FRMPD4: variants seen among roughly 807,000 people sequenced by gnomAD.
The protein encoded by FRMPD4 is FERM and PDZ domain containing 4.
In FRMPD4, 22 loss-of-function variants were observed where a neutral mutation model predicts 94.1. The ratio of observed to expected loss-of-function variants is 0.23; its 90% CI spans 0.17 to 0.33. FRMPD4 has a LOEUF of 0.33. FRMPD4 is among the 10% of genes least tolerant of loss of function. The probability of loss-of-function intolerance (pLI) is 1.00; values close to 1 mark genes in which losing one functional copy is unlikely to be tolerated. For synonymous variants in FRMPD4, 631 were observed against 548.6 expected (o/e 1.15, Z -2.10); for missense variants, 1,111 against 1,339.9 (o/e 0.83, Z 2.67).
chrX:12,481,075 C>T (rs181096693), intron 1 of FRMPD4, among the ~76,000 whole-genome samples: 9 of 111,529 alleles, frequency 8.1e-5, no homozygotes, highest in African/African-American at 2.9e-4. Context: ...TTGCTTCCTC[C>T]TTGTTGCCTG....
At chrX:12,252,402 A>G (rs1023038814) in intron 1 of FRMPD4, among the ~76,000 whole-genome samples, 1 of 112,231 alleles carries the variant, frequency 8.9e-6, no homozygotes, top group African/African-American at 3.2e-5. Context: ...CTAAAGAAAC[A>G]TGTAAGATAA....
intron 2 of FRMPD4, among the ~76,000 whole-genome samples, chrX:12,601,117 A>G (rs1167878085): frequency 8.9e-6 from 1 of 112,144 alleles, no homozygotes; most frequent in Non-Finnish European, 1.9e-5. Flanking sequence ...TTTAAATTTA[A>G]TTGTTCTGGA....
chrX:12,465,031 C>A (rs2057434186), intron 1 of FRMPD4, among the ~76,000 whole-genome samples: 1 of 112,185 alleles, frequency 8.9e-6, no homozygotes, highest in South Asian at 3.7e-4. Flanking sequence ...TCCTCCACCG[C>A]AGGTAATAAC....
At chrX:12,174,268 G>A (rs189280033) in intron 1 of FRMPD4, among the ~76,000 whole-genome samples, 1 of 112,173 alleles carries the variant, frequency 8.9e-6, no homozygotes, top group East Asian at 2.8e-4. Flanking sequence ...TTACTTTCAT[G>A]TGTCATGAAA....
intron 2 of FRMPD4, among the ~76,000 whole-genome samples, chrX:11,877,403 T>C (rs1215586084): frequency 9.0e-6 from 1 of 111,266 alleles, no homozygotes; most frequent in Non-Finnish European, 1.9e-5. Context: ...CAAATACACA[T>C]TTTTCATCAG....
chrX:11,879,008 A>C (rs2147312001), intron 3 of FRMPD4, among the ~76,000 whole-genome samples: 1 of 112,065 alleles, frequency 8.9e-6, no homozygotes, highest in Admixed American at 9.5e-5. Flanking sequence ...GAGTTTCCAT[A>C]ATTTTTCATG....
At chrX:12,709,992 G>A (rs758403401) in intron 13 of FRMPD4, among the ~76,000 whole-genome samples, 1 of 110,925 alleles carries the variant, frequency 9.0e-6, no homozygotes, top group South Asian at 3.9e-4. Flanking sequence ...GCCTGGCGCG[G>A]TGGTGCATGC....
At position 11,901,655 on chromosome X, in the gene FRMPD4, C is replaced by T. The variant is rs190430829; in HGVS notation, c.95+23637C>T. 8.6e-3 allele frequency among the ~76,000 whole-genome samples: 969 copies of T among 112,044 alleles called. 7 individuals carry two copies. The highest frequency in any genetic ancestry group is 0.032 in the Middle Eastern group (7 of 219). ...CGAATGGTAGATCCACTTTTAGTTC[C>T]TTAAGGAATCTCTATACTGTTTTCC... is the stretch of plus-strand genomic sequence containing the variant. On this transcript the variant is annotated intron_variant, in intron 3 of 18. Transcript: ENST00000640291.
At chrX:12,329,985 G>T (rs146841253) in intron 1 of FRMPD4, among the ~76,000 whole-genome samples, 301 of 110,126 alleles carry the variant, frequency 2.7e-3, no homozygotes, top group African/African-American at 9.5e-3. Context: ...CTGTGAATCA[G>T]TTCTATCTAC....
intron 1 of FRMPD4, among the ~76,000 whole-genome samples, chrX:12,311,797 T>C (rs1349950347): frequency 8.9e-6 from 1 of 111,811 alleles, no homozygotes; most frequent in African/African-American, 3.2e-5. Context: ...TTCAAGATAA[T>C]ATCTTTTTTA....
At chrX:12,236,965 G>C (rs1345114709) in intron 1 of FRMPD4, among the ~76,000 whole-genome samples, 1 of 111,748 alleles carries the variant, frequency 8.9e-6, no homozygotes, top group Non-Finnish European at 1.9e-5. Context: ...AAAGGATAAG[G>C]ATGCAGCTAA....
At chrX:12,351,703 C>T (rs981187910) in intron 1 of FRMPD4, among the ~76,000 whole-genome samples, 1 of 112,542 alleles carries the variant, frequency 8.9e-6, no homozygotes, top group African/African-American at 3.2e-5. Context: ...TGACTTCAAA[C>T]ATCACAGATT....
intron 1 of FRMPD4, among the ~76,000 whole-genome samples, chrX:12,258,374 G>A (rs192984675): frequency 2.7e-5 from 3 of 110,558 alleles, no homozygotes; most frequent in African/African-American, 6.6e-5. Context: ...TGAGTTTGGC[G>A]CCCCCACTTC....
intron 1 of FRMPD4, among the ~76,000 whole-genome samples, chrX:12,406,565 A>T (rs1392757173): frequency 8.9e-6 from 1 of 111,940 alleles, no homozygotes; most frequent in African/African-American, 3.2e-5. Flanking sequence ...TTCGGGGAAG[A>T]TATGCTGAAC....
In FRMPD4 at chrX:12,368,525, A is replaced by AT. The variant is rs1264966473; in HGVS notation, c.42-130142dup. On this transcript the variant is annotated intron_variant, in intron 1 of 16. Transcript: ENST00000675598. ...TGTTTTACATCTTCTGCTCTGTGCT[A>AT]TTTTTTTTTTTTTCAAGTCAAGTCA... Among the ~76,000 whole-genome samples, 493 of 102,138 alleles carry AT rather than the reference A, an allele frequency of 4.8e-3. 1 individual carries two copies. Among genetic ancestry groups the AT allele is most frequent in the African/African-American group, 0.011 (308 of 28,407 alleles). The allele number at this position is 102,138 out of a possible 115,157, so 88.7% of individuals were successfully genotyped here. A position where few individuals can be genotyped will look rare whatever the true frequency, so the allele number is the denominator to read the frequency against.
At chrX:11,984,469 G>C (rs761828846) in intron 3 of FRMPD4, among the ~76,000 whole-genome samples, 1 of 112,285 alleles carries the variant, frequency 8.9e-6, no homozygotes, top group East Asian at 2.8e-4. Flanking sequence ...GATTCCACTT[G>C]TTTAAAATTT....
intron 2 of FRMPD4, among the ~76,000 whole-genome samples, chrX:12,573,100 A>AT (rs1287318657): frequency 1.8e-5 from 2 of 111,965 alleles, no homozygotes; most frequent in African/African-American, 6.5e-5. Context: ...AGCTCTAAAT[A>AT]TGCTAAAGAA....
intron 3 of FRMPD4, among the ~76,000 whole-genome samples, chrX:11,968,348 C>T (rs2054322883): frequency 9.0e-6 from 1 of 111,603 alleles, no homozygotes; most frequent in African/African-American, 3.3e-5. Context: ...TACCAGACCC[C>T]TATTGACTTC....
At chrX:12,660,536 G>A (rs994643889) in intron 4 of FRMPD4, among the ~76,000 whole-genome samples, 2 of 112,085 alleles carry the variant, frequency 1.8e-5, no homozygotes, top group Admixed American at 9.5e-5. Flanking sequence ...AGTATACTAA[G>A]GGAGTCATTG....
Sources: gnomAD v4.1 joint callset for allele counts (sites outside exome capture counted in the v4.1 genomes callset) on GRCh38, gnomAD v4.1.1 for gene constraint, MANE v1.5 for transcripts, NCBI Gene and HGNC (gene_info 2026-07-23, HGNC 2026-07-21) for gene names.